Variants in DLG2 observed in about 807,000 individuals in gnomAD.
DLG2 encodes discs large MAGUK scaffold protein 2.
In DLG2, 45 loss-of-function variants were observed where a neutral mutation model predicts 132.5. The observed-to-expected ratio is 0.34, with a 90% confidence interval of 0.27 to 0.44. DLG2 has a LOEUF of 0.44. Ranked by LOEUF, DLG2 falls within the 20% of genes least tolerant of loss-of-function variation. The pLI is 1.00. For missense variants in DLG2, 1,045 were observed against 1,196.9 expected (o/e 0.87, Z 1.87); for synonymous variants, 424 against 419.6 (o/e 1.01, Z -0.13).
intron 6 of DLG2, among the ~76,000 whole-genome samples, chr11:85,045,986 A>C (rs1266865976): frequency 6.6e-6 from 1 of 152,030 alleles, no homozygotes; most frequent in African/African-American, 2.4e-5. Flanking sequence ...CTTCATCTAA[A>C]ACTAGGCCTA....
intron 8 of DLG2, among the ~76,000 whole-genome samples, chr11:84,200,585 A>C (rs1345640552): frequency 6.6e-6 from 1 of 152,124 alleles, no homozygotes; most frequent in Non-Finnish European, 1.5e-5. Flanking sequence ...TGAGCATGGA[A>C]TGTTTTTTCC....
At chr11:85,262,138 G>C (rs1226192257) in intron 4 of DLG2, among the ~76,000 whole-genome samples, 3 of 152,150 alleles carry the variant, frequency 2.0e-5, no homozygotes, top group African/African-American at 7.2e-5. Context: ...AACAGAAGAG[G>C]TCAAGCTACA....
At chr11:84,198,743 G>A (rs1292771283) in intron 8 of DLG2, among the ~76,000 whole-genome samples, 3 of 152,120 alleles carry the variant, frequency 2.0e-5, no homozygotes, top group African/African-American at 7.2e-5. Flanking sequence ...AGAGAGGGAA[G>A]TCAAATAGAA....
rs562368397 is a variant in DLG2 at position 84,854,275 on chromosome 11, G to A, written c.357+257386C>T. Among the ~76,000 whole-genome samples the A allele has an allele frequency of 5.9e-5, 9 of 151,748 alleles. No homozygotes were observed. The East Asian group carries it at 1.4e-3, about 23-fold the overall frequency. The stretch of plus-strand genomic sequence containing the variant: ...CCAATATAAACCTGCCTAACAAGTA[G>A]AACAAAAGTGTATCTGTGACCATGG... On this transcript the variant is annotated intron_variant, in intron 6 of 27. Coordinates refer to ENST00000376104, the MANE Select transcript of DLG2 (RefSeq NM_001142699.3).
chr11:83,873,976 T>G (rs2064011520), intron 16 of DLG2, among the ~76,000 whole-genome samples: 1 of 152,182 alleles, frequency 6.6e-6, no homozygotes, highest in Non-Finnish European at 1.5e-5. Context: ...TACTAGACAA[T>G]GAAGCCCTCT....
intron 15 of DLG2, among the ~76,000 whole-genome samples, chr11:83,928,630 G>C (rs960578058): frequency 1.3e-5 from 2 of 152,054 alleles, no homozygotes; most frequent in African/African-American, 2.4e-5. Context: ...AATGGCTAAT[G>C]GTCTGCCAGG....
At chr11:83,810,944 C>A (rs1027856591) in intron 17 of DLG2, among the ~76,000 whole-genome samples, 2 of 152,020 alleles carry the variant, frequency 1.3e-5, no homozygotes, top group African/African-American at 4.8e-5. Context: ...GCTTTCTATG[C>A]AAATAACTCA....
chr11:84,937,036 C>T (rs1023585402), intron 6 of DLG2, among the ~76,000 whole-genome samples: 4 of 152,054 alleles, frequency 2.6e-5, no homozygotes, highest in Admixed American at 6.6e-5. Flanking sequence ...CCTGTAATCC[C>T]AGCTATTCAG....
intron 7 of DLG2, among the ~76,000 whole-genome samples, chr11:84,402,709 C>T (rs576695445): frequency 5.9e-5 from 9 of 151,872 alleles, no homozygotes; most frequent in South Asian, 2.1e-4. Context: ...GGTGAAACCC[C>T]GTCTCTACTA....
chr11:84,398,978 T>C (rs1022739057), intron 7 of DLG2, among the ~76,000 whole-genome samples: 2 of 152,220 alleles, frequency 1.3e-5, no homozygotes, highest in African/African-American at 4.8e-5. Context: ...ACTTTCTCAG[T>C]TATAGCTTTA....
intron 3 of DLG2, among the ~76,000 whole-genome samples, chr11:85,579,054 A>G (rs2078343673): frequency 6.6e-6 from 1 of 152,122 alleles, no homozygotes; most frequent in Non-Finnish European, 1.5e-5. Flanking sequence ...CACAGCCATA[A>G]AAAAGAACAT....
chr11:84,379,069 C>T (rs898202917), intron 7 of DLG2, among the ~76,000 whole-genome samples: 10 of 151,536 alleles, frequency 6.6e-5, no homozygotes, highest in African/African-American at 2.2e-4. Flanking sequence ...TGAAACTCAC[C>T]TTCAACCCAA....
At chr11:83,596,146 T>G (rs972243381) in intron 19 of DLG2, among the ~76,000 whole-genome samples, 6 of 152,214 alleles carry the variant, frequency 3.9e-5, no homozygotes, top group African/African-American at 1.4e-4. Context: ...GATTAAGATT[T>G]AACTATGACT....
At chr11:84,392,940 T>C (rs1430041814) in intron 7 of DLG2, among the ~76,000 whole-genome samples, 1 of 152,150 alleles carries the variant, frequency 6.6e-6, no homozygotes, top group Non-Finnish European at 1.5e-5. Flanking sequence ...TATAATAGAA[T>C]TGCCTATTAA....
chr11:84,859,436 GTATATATA>G (rs2083309561), intron 6 of DLG2, among the ~76,000 whole-genome samples: 1 of 138,416 alleles, frequency 7.2e-6, no homozygotes, highest in Non-Finnish European at 1.5e-5. Context: ...ACATATATAT[GTATATATA>G]CATACATATA....
intron 3 of DLG2, among the ~76,000 whole-genome samples, chr11:85,572,488 A>C (rs927428979): frequency 2.0e-5 from 3 of 152,142 alleles, no homozygotes; most frequent in African/African-American, 7.2e-5. Flanking sequence ...CTTCCAAAAA[A>C]TTCCCATGTT....
chr11:84,545,809 G>T (rs1023091639), intron 6 of DLG2: 1 of 151,762 alleles, frequency 6.6e-6, no homozygotes, highest in Non-Finnish European at 1.3e-5. Context: ...AGGCTGGAGT[G>T]AAGTGGTGCA....
chr11:84,004,148 A>G (rs2154052023), intron 11 of DLG2, among the ~76,000 whole-genome samples: 1 of 152,200 alleles, frequency 6.6e-6, no homozygotes, highest in East Asian at 1.9e-4. Context: ...AAAACTATAC[A>G]TGAATATTCC....
At chr11:83,535,574 GAC>G (rs1461995252) in intron 20 of DLG2, among the ~76,000 whole-genome samples, 11 of 151,486 alleles carry the variant, frequency 7.3e-5, no homozygotes, top group Non-Finnish European at 1.3e-4. Flanking sequence ...AAGTCAGCCA[GAC>G]ACACACACAG....
Sources: gnomAD v4.1 joint callset for allele counts (sites outside exome capture counted in the v4.1 genomes callset) on GRCh38, gnomAD v4.1.1 for gene constraint, MANE v1.5 for transcripts, NCBI Gene and HGNC (gene_info 2026-07-23, HGNC 2026-07-21) for gene names.